Variants in G3BP2 observed in about 807,000 individuals in gnomAD.
G3BP2 encodes G3BP stress granule assembly factor 2.
In G3BP2, 11 loss-of-function variants were observed where a neutral mutation model predicts 56.7. That is an observed-to-expected ratio of 0.19 (90% CI 0.12 to 0.32). The LOEUF (loss-of-function observed/expected upper bound fraction) is 0.32. G3BP2 is among the 10% of genes least tolerant of loss of function. G3BP2 has a pLI of 1.00. For synonymous variants in G3BP2, 165 were observed against 191.6 expected, an observed-to-expected ratio of 0.86 and a Z score of 1.15; for missense variants, 340 against 610.9, an observed-to-expected ratio of 0.56 and a Z score of 4.67.
chr4:75,665,652 AACAAACACACACAC>A (rs58317273), intron 1 of G3BP2, among the ~76,000 whole-genome samples: 3,268 of 61,196 alleles, frequency 0.053, 118 homozygotes, highest in African/African-American at 0.11. Flanking sequence ...CAAACACACA[AACAAACACACACAC>A]ACACACACAC....
At chr4:75,708,997 G>A (rs1016617785) in intron 3 of G3BP2, among the ~76,000 whole-genome samples, 6 of 151,972 alleles carry the variant, frequency 3.9e-5, no homozygotes, top group African/African-American at 1.5e-4. Context: ...GTAGTTTCAG[G>A]TACTTGGGAG....
chr4:75,698,311 AG>A (rs1298909396), intron 3 of G3BP2, among the ~76,000 whole-genome samples: 1 of 152,176 alleles, frequency 6.6e-6, no homozygotes, highest in Non-Finnish European at 1.5e-5. Context: ...CTGAAGACGA[AG>A]GAAGGAGCCA....
intron 8 of G3BP2, among the ~76,000 whole-genome samples, chr4:75,649,953 G>C (rs6816990): frequency 0.17 from 25,616 of 151,898 alleles, 2,238 homozygotes; most frequent in South Asian, 0.34. Context: ...GGAGGTTGCA[G>C]TGAGCCAAGA....
chr4:75,659,015 G>T, intron 2 of G3BP2, 91 bp from the exon 3 acceptor site: 1 of 934,198 alleles, frequency 1.1e-6, no homozygotes, highest in Non-Finnish European at 1.8e-6. Context: ...TCCGGATCCC[G>T]CTCTGTCACT....
In G3BP2 at chr4:75,717,388, G is replaced by A. The variant is rs746266045; in HGVS notation, c.-25+3489C>T. Among the ~76,000 whole-genome samples, 37 of 152,042 alleles carry A rather than the reference G, an allele frequency of 2.4e-4. 1 individual carries two copies. The highest frequency in any genetic ancestry group is 5.0e-4 in the Non-Finnish European group (34 of 68,010). ...CTGGGAGAAGGGGGTTGCAGAGAGGGGACCTTGGAAGTGTGGGCTGACTTT... is the reference window on the plus strand; with the variant it reads ...CTGGGAGAAGGGGGTTGCAGAGAGGAGACCTTGGAAGTGTGGGCTGACTTT... On this transcript the variant is annotated intron_variant, in intron 3 of 3. Transcript: ENST00000499709.
At chr4:75,660,625 A>T (rs1030199887) in intron 2 of G3BP2, among the ~76,000 whole-genome samples, 4 of 152,358 alleles carry the variant, frequency 2.6e-5, no homozygotes, top group Non-Finnish European at 5.9e-5. Context: ...AAATGCCTCA[A>T]GTAAGACAGA....
intron 3 of G3BP2, among the ~76,000 whole-genome samples, chr4:75,691,294 G>A (rs1461558840): frequency 6.6e-6 from 1 of 152,098 alleles, no homozygotes; most frequent in Non-Finnish European, 1.5e-5. Flanking sequence ...TGGCCAGGCT[G>A]GTCTCAAACT....
intron 1 of G3BP2, among the ~76,000 whole-genome samples, chr4:75,663,770 A>G (rs567370361): frequency 6.6e-6 from 1 of 151,958 alleles, no homozygotes; most frequent in African/African-American, 2.4e-5. Flanking sequence ...TGAGGCAGAG[A>G]ATTGCTTGAA....
upstream of G3BP2, among the ~76,000 whole-genome samples, chr4:75,674,718 A>T (rs891523787): frequency 0.046 from 3,282 of 71,350 alleles, 159 homozygotes; most frequent in African/African-American, 0.068. Flanking sequence ...ATATATATAT[A>T]TTTTTTTTTT....
upstream of G3BP2, among the ~76,000 whole-genome samples, chr4:75,674,724 T>A (rs1237098447): frequency 0.034 from 2,358 of 69,798 alleles, 37 homozygotes; most frequent in Middle Eastern, 0.062. Context: ...ATATATTTTT[T>A]TTTTTTTTTT....
At chr4:75,685,937 T>C (rs577874338) in intron 3 of G3BP2, among the ~76,000 whole-genome samples, 58 of 152,128 alleles carry the variant, frequency 3.8e-4, no homozygotes, top group African/African-American at 1.4e-3. Context: ...CAGAATAATA[T>C]GGAGTTAAGG....
intron 1 of G3BP2, among the ~76,000 whole-genome samples, chr4:75,662,761 C>T (rs1044002015): frequency 6.6e-6 from 1 of 152,124 alleles, no homozygotes. Flanking sequence ...CCTCAGACTA[C>T]GTACAAGTCC....
intron 3 of G3BP2, among the ~76,000 whole-genome samples, chr4:75,689,682 G>C (rs1432884505): frequency 6.6e-6 from 1 of 152,182 alleles, no homozygotes; most frequent in Non-Finnish European, 1.5e-5. Context: ...AAGGGAGGTG[G>C]CTTATTCAAT....
In G3BP2 at chr4:75,665,652, AACAAAC is replaced by A. The variant is rs1227723123; in HGVS notation, c.-24-3609_-24-3604del. 9.6e-3 allele frequency among the ~76,000 whole-genome samples: 587 copies of A among 61,200 alleles called. 4 individuals are homozygous for A. The highest frequency in any genetic ancestry group is 0.02 in the African/African-American group (556 of 28,144). The allele number at this position is 61,200 out of a possible 152,430, so 40.1% of individuals were successfully genotyped here. A position where few individuals can be genotyped will look rare whatever the true frequency, so the allele number is the denominator to read the frequency against. On this transcript the variant is annotated intron_variant, in intron 1 of 11. Coordinates refer to ENST00000359707, the MANE Select transcript of G3BP2 (RefSeq NM_203505.3). Reference sequence around the variant, plus strand: ...ACACACACACACACACAAACACACAAACAAACACACACACACACACACACACACACA... The same window carrying A: ...ACACACACACACACACAAACACACAAACACACACACACACACACACACACA...
At chr4:75,655,038 G>A (rs769298491) in intron 7 of G3BP2, 28 bp downstream of exon 7, 1 of 1,509,322 alleles carries the variant, frequency 6.6e-7, no homozygotes, top group South Asian at 1.2e-5. Context: ...ATGTGATGTT[G>A]TAAGTCTAAA....
chr4:75,674,709 TATATA>T (rs1312742905), upstream of G3BP2, among the ~76,000 whole-genome samples: 7 of 46,074 alleles, frequency 1.5e-4, no homozygotes, highest in African/African-American at 5.5e-4. Flanking sequence ...TATATATATA[TATATA>T]TATATTTTTT....
At chr4:75,659,065 T>C (rs1441849151) in intron 2 of G3BP2, 141 bp from the exon 3 acceptor site, 1 of 654,260 alleles carries the variant, frequency 1.5e-6, no homozygotes. Context: ...TTACTTAAGG[T>C]CTTCAAGTTC....
At chr4:75,651,559 C>T (rs1731701719) in intron 8 of G3BP2, among the ~76,000 whole-genome samples, 1 of 152,108 alleles carries the variant, frequency 6.6e-6, no homozygotes, top group Admixed American at 6.5e-5. Context: ...TAACACTGTC[C>T]CTTTCAGTAA....
intron 4 of G3BP2, 31 bp from the exon 5 acceptor site, chr4:75,657,045 T>C: frequency 1.1e-6 from 1 of 909,678 alleles, no homozygotes; most frequent in Non-Finnish European, 1.7e-6. Context: ...TCCATAAATA[T>C]CCAGAAATCT....
Sources: allele counts gnomAD v4.1 joint callset (sites outside exome capture counted in the v4.1 genomes callset), GRCh38; gene constraint gnomAD v4.1.1; transcripts MANE v1.5; gene names NCBI Gene and HGNC (gene_info 2026-07-23, HGNC 2026-07-21).